The following KCNJ6 variants were observed in gnomAD, a reference collection of about 807,000 sequenced individuals.
KCNJ6 encodes the protein potassium inwardly rectifying channel subfamily J member 6.
KCNJ6 carries 9 observed loss-of-function variants against 34.2 expected under a neutral mutation model. The observed-to-expected ratio is 0.26, with a 90% CI of 0.16 to 0.46. The LOEUF (loss-of-function observed/expected upper bound fraction) is 0.46, where lower values mean the gene tolerates loss of function less well. Among genes scored for constraint, KCNJ6 ranks in the 20% least tolerant of loss-of-function variants. The probability of loss-of-function intolerance (pLI) is 1.00; values close to 1 mark genes in which losing one functional copy is unlikely to be tolerated. For synonymous variants in KCNJ6, 196 were observed against 207.1 expected, an observed-to-expected ratio of 0.95 and a Z score of 0.46; for missense variants, 236 against 531.3, an observed-to-expected ratio of 0.44 and a Z score of 5.46.
intron 3 of KCNJ6, among the ~76,000 whole-genome samples, chr21:37,646,271 T>G (rs1253842623): frequency 6.6e-6 from 1 of 152,174 alleles, no homozygotes; most frequent in African/African-American, 2.4e-5. Flanking sequence ...GAAAACTTGG[T>G]GTGGCAAAAT....
intron 3 of KCNJ6, among the ~76,000 whole-genome samples, chr21:37,655,971 C>T (rs943723098): frequency 5.3e-5 from 8 of 152,164 alleles, no homozygotes; most frequent in African/African-American, 1.4e-4. Flanking sequence ...TAGGAGAGAG[C>T]GTGTGACACC....
intron 3 of KCNJ6, among the ~76,000 whole-genome samples, chr21:37,662,452 T>A (rs984008383): frequency 6.6e-6 from 1 of 152,240 alleles, no homozygotes; most frequent in Non-Finnish European, 1.5e-5. Flanking sequence ...CATTCCTTTT[T>A]ATGGCTGTAT....
At chr21:37,637,178 C>T (rs2054361743) in intron 3 of KCNJ6, among the ~76,000 whole-genome samples, 2 of 152,178 alleles carry the variant, frequency 1.3e-5, no homozygotes, top group African/African-American at 4.8e-5. Flanking sequence ...TAACCAAGCC[C>T]AGTGTCAAAA....
chr21:37,720,978 A>T (rs2054823254), intron 2 of KCNJ6, among the ~76,000 whole-genome samples: 1 of 152,124 alleles, frequency 6.6e-6, no homozygotes, highest in Non-Finnish European at 1.5e-5. Flanking sequence ...AAGTGCTGGG[A>T]TTACAGGCGT....
chr21:37,810,092 A>C (rs1392121868), intron 2 of KCNJ6, among the ~76,000 whole-genome samples: 1 of 152,162 alleles, frequency 6.6e-6, no homozygotes. Flanking sequence ...CATTTTAGTG[A>C]GAGTCATTCC....
intron 1 of KCNJ6, among the ~76,000 whole-genome samples, chr21:37,905,601 C>T (rs2055837803): frequency 6.6e-6 from 1 of 152,188 alleles, no homozygotes; most frequent in Non-Finnish European, 1.5e-5. Context: ...TCCCCACATC[C>T]CTGGATGTTT....
At position 37,623,137 on chromosome 21, in the gene KCNJ6, T is replaced by G. The variant is rs920293104; in HGVS notation, c.*2022A>C. The G allele has an allele frequency of 6.6e-6, 1 of 152,312 alleles. No homozygotes were observed. Among genetic ancestry groups the G allele is most frequent in the African/African-American group, 2.4e-5 (1 of 41,468 alleles). The allele number at this position is 152,312 out of a possible 1,614,324, so 9.4% of individuals were successfully genotyped here. ...AATGCTGGCAAACAGGAAAGGGCTA[T>G]AGCCAACAGTTTTGTTTTCCTTAAA... On this transcript the variant is annotated 3_prime_UTR_variant, in exon 4 of 4. Transcript: ENST00000609713.
intron 3 of KCNJ6, among the ~76,000 whole-genome samples, chr21:37,706,830 T>A (rs932552268): frequency 6.6e-6 from 1 of 152,252 alleles, no homozygotes; most frequent in African/African-American, 2.4e-5. Context: ...AGAAATGCAT[T>A]TTCTAAATTG....
At chr21:37,667,787 A>G (rs145483217) in intron 3 of KCNJ6, among the ~76,000 whole-genome samples, 174 of 152,186 alleles carry the variant, frequency 1.1e-3, no homozygotes, top group African/African-American at 3.9e-3. Flanking sequence ...AAATGCCTCC[A>G]TATATTGCCC....
At chr21:37,725,208 C>T (rs1251860967) in intron 2 of KCNJ6, among the ~76,000 whole-genome samples, 2 of 152,144 alleles carry the variant, frequency 1.3e-5, no homozygotes, top group South Asian at 2.1e-4. Context: ...ACCTGGCCAA[C>T]ATAGTGAAAC....
At chr21:37,882,975 T>C (rs978719746) in intron 1 of KCNJ6, among the ~76,000 whole-genome samples, 5 of 152,222 alleles carry the variant, frequency 3.3e-5, no homozygotes, top group African/African-American at 4.8e-5. Flanking sequence ...TGCATGTGTG[T>C]GGATGCATGT....
chr21:37,627,182 G>A (rs1327452852), intron 3 of KCNJ6, among the ~76,000 whole-genome samples: 1 of 152,216 alleles, frequency 6.6e-6, no homozygotes, highest in Non-Finnish European at 1.5e-5. Flanking sequence ...GACCTATGTG[G>A]TTGACTCAGC....
chr21:37,721,168 TGAAAA>T (rs1469644290), intron 2 of KCNJ6, among the ~76,000 whole-genome samples: 10 of 152,020 alleles, frequency 6.6e-5, no homozygotes, highest in African/African-American at 2.4e-5. Context: ...AATAAACAAA[TGAAAA>T]GAAATTCTTC....
At chr21:37,855,939 C>A (rs1393530090) in intron 1 of KCNJ6, among the ~76,000 whole-genome samples, 1 of 152,218 alleles carries the variant, frequency 6.6e-6, no homozygotes, top group African/African-American at 2.4e-5. Flanking sequence ...TGACAGGCAG[C>A]AGCTGTTCAG....
intron 3 of KCNJ6, among the ~76,000 whole-genome samples, chr21:37,708,235 G>A (rs1279485668): frequency 6.6e-6 from 1 of 152,218 alleles, no homozygotes; most frequent in Non-Finnish European, 1.5e-5. Context: ...ATAATGCTAG[G>A]TTTCTTACAG....
At chr21:37,886,220 T>A (rs2055734852) in intron 1 of KCNJ6, among the ~76,000 whole-genome samples, 2 of 152,162 alleles carry the variant, frequency 1.3e-5, no homozygotes, top group Admixed American at 1.3e-4. Flanking sequence ...CAACTCTTGA[T>A]CTTTTGTTAT....
intron 3 of KCNJ6, among the ~76,000 whole-genome samples, chr21:37,685,706 A>AAAAG (rs78443969): frequency 0.37 from 18,899 of 50,864 alleles, 7,891 homozygotes; most frequent in East Asian, 0.59. Context: ...AAAAAAAAAA[A>AAAAG]AATCTATCCT....
intron 3 of KCNJ6, among the ~76,000 whole-genome samples, chr21:37,671,809 A>C (rs147236109): frequency 2.6e-5 from 4 of 152,308 alleles, no homozygotes; most frequent in African/African-American, 9.6e-5. Context: ...GAGTCATGGA[A>C]GTGTTATCTG....
chr21:37,775,475 T>C (rs1363125401), intron 2 of KCNJ6, among the ~76,000 whole-genome samples: 1 of 152,270 alleles, frequency 6.6e-6, no homozygotes, highest in Admixed American at 6.5e-5. Flanking sequence ...AGAGTTTTTA[T>C]GGTTTTAGGT....
Sources: allele counts gnomAD v4.1 joint callset (sites outside exome capture counted in the v4.1 genomes callset), GRCh38; gene constraint gnomAD v4.1.1; transcripts MANE v1.5; gene names NCBI Gene and HGNC (gene_info 2026-07-23, HGNC 2026-07-21).